Variants in CDH22 observed in about 807,000 individuals in gnomAD.
CDH22 encodes the protein cadherin-22.
A neutral mutation model predicts 58.4 loss-of-function variants in CDH22; 30 were observed. The ratio of observed to expected loss-of-function variants is 0.51; its 90% CI spans 0.38 to 0.70. The LOEUF (loss-of-function observed/expected upper bound fraction) is 0.70. Ranked by LOEUF, CDH22 falls within the 30% of genes least tolerant of loss-of-function variation. CDH22 has a pLI of 0.00. For missense variants in CDH22, 1,014 were observed against 1,233.9 expected (o/e 0.82, Z 2.67); for synonymous variants, 513 against 558.2 (o/e 0.92, Z 1.14).
intron 4 of CDH22, 139 bp from the exon 5 acceptor site, chr20:46,217,132 T>A: frequency 1.4e-6 from 1 of 702,682 alleles, no homozygotes; most frequent in Non-Finnish European, 2.3e-6. Flanking sequence ...CACAAGGACA[T>A]CCACGTGTCC....
chr20:46,279,281 A>C (rs2086536982), intron 1 of CDH22, among the ~76,000 whole-genome samples: 1 of 152,204 alleles, frequency 6.6e-6, no homozygotes, highest in South Asian at 2.1e-4. Context: ...CTCATGACTC[A>C]GGAGTCAGTG....
In CDH22 at chr20:46,187,057, G is replaced by C. The variant is rs1272944147; in HGVS notation, c.1424-110C>G. On this transcript the variant is annotated intron_variant, in intron 8 of 11. Transcript: ENST00000537909. ...GCAGTGGGGTCATGCTGAGAAATTT[G>C]TGGGTTAACCAAGCTGGTACAAGGA... 7 of 1,208,344 alleles carry C rather than the reference G, an allele frequency of 5.8e-6. No homozygotes were observed. In the South Asian group the frequency reaches 1.2e-4, roughly 21 times the overall value. 74.9% of individuals were successfully genotyped at this position (1,208,344 alleles called of 1,614,324 possible). A position where few individuals can be genotyped will look rare whatever the true frequency, so the allele number is the denominator to read the frequency against.
intron 1 of CDH22, among the ~76,000 whole-genome samples, chr20:46,277,425 C>T (rs1600724707): frequency 6.6e-6 from 1 of 152,160 alleles, no homozygotes; most frequent in African/African-American, 2.4e-5. Flanking sequence ...ACACACACCA[C>T]GTCTATTTTT....
intron 1 of CDH22, among the ~76,000 whole-genome samples, chr20:46,271,276 C>G (rs982942342): frequency 6.6e-6 from 1 of 152,292 alleles, no homozygotes; most frequent in Non-Finnish European, 1.5e-5. Context: ...CTCTTTGCAA[C>G]AGAGGAAATG....
rs77129655 is a variant in CDH22 at position 46,192,923 on chromosome 20, C to T, written c.1424-5976G>A. Among the ~76,000 whole-genome samples the T allele has an allele frequency of 1.8e-3, 278 of 152,164 alleles. 1 individual carries two copies. Among genetic ancestry groups the T allele is most frequent in the Non-Finnish European group, 2.7e-3 (183 of 68,016 alleles). On this transcript the variant is annotated intron_variant, in intron 8 of 11. Transcript: ENST00000537909. ...CCCTGCCCTGTCCCCATGCCCCCCCCCAGTGGGAGCAGGAGGCTCAGGTGC... is the reference window on the plus strand; with the variant it reads ...CCCTGCCCTGTCCCCATGCCCCCCCTCAGTGGGAGCAGGAGGCTCAGGTGC...
chr20:46,297,380 G>T (rs1019148602), intron 1 of CDH22, among the ~76,000 whole-genome samples: 1 of 152,094 alleles, frequency 6.6e-6, no homozygotes, highest in African/African-American at 2.4e-5. Context: ...AACAGGAGGT[G>T]CTCAGGGATG....
intron 1 of CDH22, among the ~76,000 whole-genome samples, chr20:46,265,945 T>TACACACAC (rs10536307): frequency 2.0e-5 from 3 of 148,138 alleles, no homozygotes; most frequent in African/African-American, 7.5e-5. Flanking sequence ...TTCACACAGA[T>TACACACAC]ACACACACAC....
intron 10 of CDH22, among the ~76,000 whole-genome samples, chr20:46,181,482 G>A (rs1306180234): frequency 6.6e-6 from 1 of 152,122 alleles, no homozygotes; most frequent in Non-Finnish European, 1.5e-5. Flanking sequence ...GGAGGAATGA[G>A]GGTAATAGCT....
At chr20:46,301,337 T>C (rs114858849) in intron 1 of CDH22, among the ~76,000 whole-genome samples, 1,704 of 152,166 alleles carry the variant, frequency 0.011, 27 homozygotes, top group African/African-American at 0.039. Flanking sequence ...GTAGGTTTTG[T>C]TACAACCATT....
At chr20:46,301,883 A>G (rs1161291984) in intron 1 of CDH22, among the ~76,000 whole-genome samples, 1 of 152,232 alleles carries the variant, frequency 6.6e-6, no homozygotes, top group East Asian at 1.9e-4. Flanking sequence ...TAAGACAACG[A>G]AAGAATGAGG....
At chr20:46,297,796 G>A in intron 1 of CDH22, among the ~76,000 whole-genome samples, 1 of 152,030 alleles carries the variant, frequency 6.6e-6, no homozygotes, top group South Asian at 2.1e-4. Context: ...CTTCCTCCAA[G>A]GTTGTTTTGG....
At chr20:46,219,041 G>A (rs2145699378) in intron 4 of CDH22, among the ~76,000 whole-genome samples, 2 of 152,322 alleles carry the variant, frequency 1.3e-5, no homozygotes, top group South Asian at 4.1e-4. Context: ...AGAATGGAAG[G>A]AGAGGCTGTA....
chr20:46,237,714 G>T (rs559568139), intron 3 of CDH22, among the ~76,000 whole-genome samples: 3 of 152,134 alleles, frequency 2.0e-5, no homozygotes, highest in Non-Finnish European at 4.4e-5. Flanking sequence ...AGACAGAGCT[G>T]GGTCTCCATA....
At position 46,281,881 on chromosome 20, in the gene CDH22, G is replaced by A. The variant is rs111441160; in HGVS notation, c.-400+26374C>T. On this transcript the variant is annotated intron_variant, in intron 1 of 11. Coordinates refer to ENST00000537909, the MANE Select transcript of CDH22 (RefSeq NM_021248.3). ...TGGCTTTTGAATGCTTACTATGTGC[G>A]GAGCACACGCATTAATTCTTATATC... 4.0e-3 allele frequency among the ~76,000 whole-genome samples: 603 copies of A among 152,302 alleles called. 6 individuals are homozygous for A. Among genetic ancestry groups the A allele is most frequent in the African/African-American group, 0.014 (577 of 41,562 alleles).
Position 46,199,471 on chromosome 20 carries a change from G to C in CDH22, c.1375C>G (p.Arg459Gly). ...GAIVTGKGLD[R>G]ETAGWHNITV... The stretch of plus-strand genomic sequence containing the variant: ...ATGTTGTGCCAGCCGGCCGTCTCGC[G>C]GTCCAGCCCCTTGCCAGTCACGATG... The change falls in exon 8 of 12, where the codon CGC becomes GGC. Residue 459 changes from arginine to glycine, a missense_variant. Physicochemically the swap from Arg to Gly is moderately radical, Grantham distance 125. Around this residue, in one of 2 missense-constraint regions of CDH22, gnomAD observed 806 missense variants for 1,038.7 expected, o/e 0.78. Coordinates refer to ENST00000537909, the MANE Select transcript of CDH22 (RefSeq NM_021248.3). 6.2e-7 allele frequency: 1 copy of C among 1,613,798 alleles called. No individual in the cohort carries two copies. The highest frequency in any genetic ancestry group is 8.5e-7 in the Non-Finnish European group (1 of 1,179,996).
intron 1 of CDH22, among the ~76,000 whole-genome samples, chr20:46,270,311 C>T (rs1265743554): frequency 1.3e-5 from 2 of 152,106 alleles, no homozygotes; most frequent in Non-Finnish European, 2.9e-5. Flanking sequence ...CCAGGTAGGG[C>T]CTGCTGGGGC....
chr20:46,230,992 A>T (rs930723645), intron 3 of CDH22, among the ~76,000 whole-genome samples: 1 of 152,142 alleles, frequency 6.6e-6, no homozygotes, highest in African/African-American at 2.4e-5. Context: ...GATAGGTGAG[A>T]CAGAGAGAGG....
chr20:46,198,615 T>C (rs900203143), intron 8 of CDH22, among the ~76,000 whole-genome samples: 4 of 152,222 alleles, frequency 2.6e-5, no homozygotes, highest in African/African-American at 9.6e-5. Flanking sequence ...GGTACCCTGA[T>C]GGAGAACATC....
intron 3 of CDH22, among the ~76,000 whole-genome samples, chr20:46,236,177 G>T (rs2145721111): frequency 6.6e-6 from 1 of 152,186 alleles, no homozygotes; most frequent in South Asian, 2.1e-4. Context: ...TAGGGAGTTT[G>T]TTAGAAATGC....
Sources: gnomAD v4.1 joint callset for allele counts (sites outside exome capture counted in the v4.1 genomes callset) on GRCh38, gnomAD v4.1.1 for gene constraint, gnomAD v4.1.1 regional missense constraint, MANE v1.5 for transcripts, NCBI Gene and HGNC (gene_info 2026-07-23, HGNC 2026-07-21) for gene names.